Variants in PARD3B observed in about 807,000 individuals in gnomAD.
PARD3B encodes the protein partitioning defective 3 homolog B.
Under a neutral mutation model 130.2 loss-of-function variants are expected in PARD3B, and 103 were observed. The ratio of observed to expected loss-of-function variants is 0.79; its 90% CI spans 0.67 to 0.93. The LOEUF (loss-of-function observed/expected upper bound fraction) is 0.93, where lower values mean the gene tolerates loss of function less well. Ranked by LOEUF, PARD3B falls within the 40% of genes least tolerant of loss-of-function variation. PARD3B has a pLI of 0.00. For synonymous variants in PARD3B, 583 were observed against 553.2 expected, an observed-to-expected ratio of 1.05 and a Z score of -0.76; for missense variants, 1,609 against 1,499.2, an observed-to-expected ratio of 1.07 and a Z score of -1.21.
At chr2:205,248,148 C>T (rs748788090) in intron 16 of PARD3B, among the ~76,000 whole-genome samples, 4 of 151,728 alleles carry the variant, frequency 2.6e-5, no homozygotes, top group Non-Finnish European at 2.9e-5. Context: ...GCCTTGTTGC[C>T]CAGGTTAGCG....
In PARD3B at chr2:205,568,868, T is replaced by G. The variant is rs895492676; in HGVS notation, c.3260+15465T>G. ...TCACATCCAGTTCAATTAAGATGCT[T>G]AGGCTCACCTTCTTAGAACAAAAAG... On this transcript the variant is annotated intron_variant, in intron 22 of 22. Coordinates refer to ENST00000406610, the MANE Select transcript of PARD3B (RefSeq NM_001302769.2). This position sits in a 1 kb window ranked among gnomAD's most constrained non-coding sequence, Gnocchi z 5.3. Among the ~76,000 whole-genome samples the G allele has an allele frequency of 2.6e-5, 4 of 152,214 alleles. No homozygotes were observed. Among genetic ancestry groups the G allele is most frequent in the Admixed American group, 2.6e-4 (4 of 15,280 alleles).
In PARD3B at chr2:205,125,832, G is replaced by A; in HGVS notation, c.1434+95G>A. ...GCTGAGAAACGAGTTCTAAATCACA[G>A]GCTTCATTCATAACCAAAATTGAAT... On this transcript the variant is annotated intron_variant, in intron 10 of 22. Coordinates refer to ENST00000406610, the MANE Select transcript of PARD3B (RefSeq NM_001302769.2). This position sits in a 1 kb window ranked among gnomAD's most constrained non-coding sequence, Gnocchi z 4.0. The A allele has an allele frequency of 2.7e-6, 4 of 1,483,764 alleles. No homozygotes were observed. The East Asian group carries it at 7.0e-5, about 26-fold the overall frequency. The allele number at this position is 1,483,764 out of a possible 1,614,324, so 91.9% of individuals were successfully genotyped here. A position where few individuals can be genotyped will look rare whatever the true frequency, so the allele number is the denominator to read the frequency against.
intron 1 of PARD3B, among the ~76,000 whole-genome samples, chr2:204,593,937 A>G (rs2033178881): frequency 6.6e-6 from 1 of 152,176 alleles, no homozygotes; most frequent in African/African-American, 2.4e-5. Flanking sequence ...GGAGTTCCAC[A>G]GTTGTGTCTT....
intron 18 of PARD3B, among the ~76,000 whole-genome samples, chr2:205,377,129 G>A (rs1179502843): frequency 6.6e-6 from 1 of 152,116 alleles, no homozygotes; most frequent in African/African-American, 2.4e-5. Flanking sequence ...CTGTGTGTAA[G>A]GACCACCAGC....
At chr2:204,695,753 A>G (rs1199733233) in intron 2 of PARD3B, among the ~76,000 whole-genome samples, 2 of 152,084 alleles carry the variant, frequency 1.3e-5, no homozygotes, top group African/African-American at 4.8e-5. Context: ...TGGTATGAGA[A>G]CACTGAGCCA....
At position 205,566,373 on chromosome 2, in the gene PARD3B, AC is replaced by A. The variant is rs1459357998; in HGVS notation, c.3260+12972del. ...CCAGGGACAGATGTTGATAGTATGT[AC>A]CAGGGTGATGGTGATGAAAGCAGAA... is the stretch of plus-strand genomic sequence containing the variant. On this transcript the variant is annotated intron_variant, in intron 22 of 22. Coordinates refer to ENST00000406610, the MANE Select transcript of PARD3B (RefSeq NM_001302769.2). 3.9e-5 allele frequency among the ~76,000 whole-genome samples: 6 copies of A among 152,170 alleles called. No individual in the cohort carries two copies. In the East Asian group the frequency reaches 1.2e-3, roughly 29 times the overall value.
chr2:205,533,741 G>GT (rs576876046), intron 21 of PARD3B, among the ~76,000 whole-genome samples: 1 of 151,990 alleles, frequency 6.6e-6, no homozygotes, highest in Non-Finnish European at 1.5e-5. Context: ...TTGTTTGTTT[G>GT]TTTTTTGAGA....
chr2:205,072,536 C>A (rs183770524), intron 4 of PARD3B, among the ~76,000 whole-genome samples: 63 of 152,202 alleles, frequency 4.1e-4, no homozygotes, highest in African/African-American at 1.4e-3. Flanking sequence ...ACAGGCATGA[C>A]CTACGGCACC....
intron 18 of PARD3B, among the ~76,000 whole-genome samples, chr2:205,326,667 T>C (rs979509029): frequency 1.3e-5 from 2 of 152,168 alleles, no homozygotes; most frequent in Non-Finnish European, 2.9e-5. Flanking sequence ...AATTAAATGA[T>C]TAAAAGGTAA....
At chr2:204,897,446 G>A (rs2125699523) in intron 2 of PARD3B, among the ~76,000 whole-genome samples, 1 of 142,870 alleles carries the variant, frequency 7.0e-6, no homozygotes, top group Admixed American at 7.2e-5. Flanking sequence ...AGGAGAGAAA[G>A]AGCAACAATG....
At chr2:204,710,213 A>G (rs2038368253) in intron 2 of PARD3B, among the ~76,000 whole-genome samples, 1 of 152,204 alleles carries the variant, frequency 6.6e-6, no homozygotes, top group South Asian at 2.1e-4. Context: ...GTCCTGCTGG[A>G]AAGACATTTA....
intron 2 of PARD3B, among the ~76,000 whole-genome samples, chr2:204,840,045 G>A (rs554956178): frequency 4.7e-4 from 71 of 152,198 alleles, no homozygotes; most frequent in African/African-American, 1.7e-3. Context: ...GGGAGGGAAG[G>A]TAAGGGATTT....
intron 16 of PARD3B, among the ~76,000 whole-genome samples, chr2:205,252,904 G>A (rs2039920466): frequency 7.2e-6 from 1 of 138,140 alleles, no homozygotes; most frequent in African/African-American, 2.7e-5. Flanking sequence ...AAGAGATGAT[G>A]TTGGCCTAAG....
At chr2:205,113,314 C>G (rs866803989) in intron 5 of PARD3B, among the ~76,000 whole-genome samples, 177 bp from the exon 6 acceptor site, 8 of 151,970 alleles carry the variant, frequency 5.3e-5, no homozygotes, top group Non-Finnish European at 2.9e-5. Flanking sequence ...ATTTTGTTTT[C>G]TGGATCATCT....
At chr2:204,774,265 C>G (rs1224402958) in intron 2 of PARD3B, among the ~76,000 whole-genome samples, 1 of 151,964 alleles carries the variant, frequency 6.6e-6, no homozygotes, top group Non-Finnish European at 1.5e-5. Context: ...TCTTTACTGT[C>G]TTCCTTCCAT....
At chr2:205,467,158 T>C (rs1349804157) in intron 20 of PARD3B, among the ~76,000 whole-genome samples, 5 of 152,232 alleles carry the variant, frequency 3.3e-5, no homozygotes, top group Admixed American at 3.3e-4. Flanking sequence ...ATATTTTAAA[T>C]TACGTGACCT....
chr2:204,743,659 C>T (rs10180248), intron 2 of PARD3B, among the ~76,000 whole-genome samples: 2 of 151,942 alleles, frequency 1.3e-5, no homozygotes, highest in Non-Finnish European at 2.9e-5. Flanking sequence ...CCATAGCTTC[C>T]TGAGTGGCCT....
At chr2:205,185,734 T>G in intron 13 of PARD3B, 30 bp from the exon 14 acceptor site, 1 of 1,595,284 alleles carries the variant, frequency 6.3e-7, no homozygotes, top group Non-Finnish European at 8.6e-7. Context: ...GCTTCCACTT[T>G]ATACAGCTTC....
In PARD3B at chr2:205,614,531, C is replaced by A. The variant is rs2055349947; in HGVS notation, c.3261-925C>A. Among the ~76,000 whole-genome samples the A allele has an allele frequency of 2.0e-5, 3 of 151,832 alleles. No homozygotes were observed. The South Asian group carries it at 6.3e-4, about 32-fold the overall frequency. ...CCAGCCTGGCCAACATAATGAAACCCATCTCTACAAAAAAAAATACAAAAC... is the reference window on the plus strand; with the variant it reads ...CCAGCCTGGCCAACATAATGAAACCAATCTCTACAAAAAAAAATACAAAAC... On this transcript the variant is annotated intron_variant, in intron 22 of 22. Coordinates refer to ENST00000406610, the MANE Select transcript of PARD3B (RefSeq NM_001302769.2).
Sources: gnomAD v4.1 joint callset for allele counts (sites outside exome capture counted in the v4.1 genomes callset) on GRCh38, gnomAD v4.1.1 for gene constraint, Gnocchi (gnomAD v3.1) non-coding constraint, MANE v1.5 for transcripts, NCBI Gene and HGNC (gene_info 2026-07-23, HGNC 2026-07-21) for gene names.